MCM6: variants seen among roughly 807,000 people sequenced by gnomAD.
MCM6 encodes the protein DNA replication licensing factor MCM6.
In MCM6, 46 loss-of-function variants were observed where a neutral mutation model predicts 94.3. That is an observed-to-expected ratio of 0.49 (90% CI 0.39 to 0.62). The LOEUF is 0.62. Among genes scored for constraint, MCM6 ranks in the 20% least tolerant of loss-of-function variants. The pLI is 0.00. For synonymous variants in MCM6, 335 were observed against 351.9 expected, an observed-to-expected ratio of 0.95 and a Z score of 0.54; for missense variants, 865 against 1,017.9, an observed-to-expected ratio of 0.85 and a Z score of 2.04.
chr2:135,856,079 T>C lies in MCM6; in HGVS notation c.1626+649A>G, dbSNP rs185343671. ...GAAATTTCTTTGGCATCCCAGTTTTTTTCAAGGTGACTGAAAAATAAAATA... is the reference window on the plus strand; with the variant it reads ...GAAATTTCTTTGGCATCCCAGTTTTCTTCAAGGTGACTGAAAAATAAAATA... On this transcript the variant is annotated intron_variant, in intron 11 of 16. Transcript: ENST00000264156. Among the ~76,000 whole-genome samples the C allele has an allele frequency of 2.0e-5, 3 of 152,102 alleles. No homozygotes were observed. In the East Asian group the frequency reaches 5.8e-4, roughly 29 times the overall value.
In MCM6 at chr2:135,859,316, CA is replaced by C; in HGVS notation, c.1346del (p.Leu449Ter). On this transcript the variant is annotated frameshift_variant, in exon 9 of 17. Coordinates refer to ENST00000264156, the MANE Select transcript of MCM6 (RefSeq NM_005915.6). LOFTEE classifies it high-confidence loss of function. ...SHEFVIEAGA[L>X]MLADNGVCCI... is the part of the protein sequence containing the mutation. Reference sequence around the variant, plus strand: ...ATGTTCTTACATTATCAGCCAACATCAAAGCTCCAGCCTCAATGACAAACTC... The same window carrying C: ...ATGTTCTTACATTATCAGCCAACATCAAGCTCCAGCCTCAATGACAAACTC... The C allele has an allele frequency of 6.2e-7, 1 of 1,613,430 alleles. No individual in the cohort carries two copies.
chr2:135,841,318 T>C (rs1332229622), intron 16 of MCM6, among the ~76,000 whole-genome samples: 1 of 39,856 alleles, frequency 2.5e-5, no homozygotes, highest in African/African-American at 8.0e-5. Context: ...CTTAATATCA[T>C]TCAGCAATTT....
chr2:135,848,116 C>T lies in MCM6; in HGVS notation c.1990G>A (p.Val664Ile), dbSNP rs1679704847. ...KSIIRVETPD[V>I]NLDQEEEIQM... ...ATCTCTTCCTCTTGATCTAGATTGACATCAGGTGTTTCCACACGGATGATT... is the reference window on the plus strand; with the variant it reads ...ATCTCTTCCTCTTGATCTAGATTGATATCAGGTGTTTCCACACGGATGATT... Residue 664 changes from valine (V) to isoleucine (I), a missense_variant, in exon 14 of 17, where the codon GTC (valine) becomes ATC (isoleucine). Transcript: ENST00000264156. 1 of 1,610,824 alleles carries T rather than the reference C, an allele frequency of 6.2e-7. No homozygotes were observed. The highest frequency in any genetic ancestry group is 8.5e-7 in the Non-Finnish European group (1 of 1,177,052).
chr2:135,860,207 A>T (rs1036889381), intron 8 of MCM6, among the ~76,000 whole-genome samples: 6 of 151,914 alleles, frequency 3.9e-5, no homozygotes, highest in Middle Eastern at 3.4e-3. Context: ...ATCTTGGCTC[A>T]CTCCAAGCTC....
At chr2:135,862,457 G>A (rs1290928187) in intron 8 of MCM6, 150 bp downstream of exon 8, 4 of 830,392 alleles carry the variant, frequency 4.8e-6, no homozygotes, top group Non-Finnish European at 5.3e-6. Context: ...GTACAATGTT[G>A]CCATAACTTT....
intron 16 of MCM6, 74 bp from the exon 17 acceptor site, chr2:135,841,025 C>T (rs1465282001): frequency 2.8e-6 from 3 of 1,054,864 alleles, no homozygotes; most frequent in African/African-American, 3.1e-5. Context: ...AGACTTGACC[C>T]TTCTTCCGAG....
At chr2:135,869,338 G>C (rs1301130778) in intron 3 of MCM6, among the ~76,000 whole-genome samples, 3 of 151,042 alleles carry the variant, frequency 2.0e-5, no homozygotes, top group African/African-American at 4.9e-5. Flanking sequence ...GAGGTGGAGG[G>C]TGCAGTGAGC....
intron 1 of MCM6, among the ~76,000 whole-genome samples, chr2:135,875,770 A>G (rs1471298720): frequency 2.0e-5 from 3 of 152,234 alleles, no homozygotes; most frequent in African/African-American, 7.2e-5. Flanking sequence ...CAGTTGACGC[A>G]GAAACTTTCA....
At position 135,856,281 on chromosome 2, in the gene MCM6, A is replaced by T. The variant is rs561026955; in HGVS notation, c.1626+447T>A. Among the ~76,000 whole-genome samples, 9 of 152,246 alleles carry T rather than the reference A, an allele frequency of 5.9e-5. No individual in the cohort carries two copies. In the East Asian group the frequency reaches 1.7e-3, roughly 29 times the overall value. ...AACATGGTGAGACCCTGTCTGTACT[A>T]AAAATATAAAAATTAGCCACGCATG... On this transcript the variant is annotated intron_variant, in intron 11 of 16. Transcript: ENST00000264156.
rs187392783 is a variant in MCM6, at chr2:135,847,620, G to A, written c.2053+433C>T. The stretch of plus-strand genomic sequence containing the variant: ...GCTCTGTCACCCAGGCTGGAGTGCA[G>A]TGGCACAATCTCAGCTCACTGCAAC... On this transcript the variant is annotated intron_variant, in intron 14 of 16. Coordinates refer to ENST00000264156, the MANE Select transcript of MCM6 (RefSeq NM_005915.6). Among the ~76,000 whole-genome samples, 613 of 152,294 alleles carry A rather than the reference G, an allele frequency of 4.0e-3. 1 individual carries two copies. The highest frequency in any genetic ancestry group is 7.4e-3 in the Non-Finnish European group (503 of 68,026).
chr2:135,853,714 T>C (rs917898307), intron 11 of MCM6, among the ~76,000 whole-genome samples: 1 of 136,008 alleles, frequency 7.4e-6, no homozygotes, highest in Admixed American at 8.1e-5. Context: ...ATTTTGAAGA[T>C]ATTCATCCCA....
chr2:135,853,929 A>T (rs1457612479), intron 11 of MCM6, among the ~76,000 whole-genome samples: 1 of 152,200 alleles, frequency 6.6e-6, no homozygotes, highest in African/African-American at 2.4e-5. Context: ...ATTATTTCTA[A>T]TTAAGAAGTT....
chr2:135,862,516 TA>T, intron 8 of MCM6, 90 bp downstream of exon 8: 1 of 1,327,774 alleles, frequency 7.5e-7, no homozygotes, highest in Non-Finnish European at 1.1e-6. Context: ...ACACTCCTAG[TA>T]AGGCCATACT....
rs940754457 is a variant in MCM6 at position 135,858,211 on chromosome 2, G to A, written c.1363-207C>T. 1.2e-4 allele frequency among the ~76,000 whole-genome samples: 18 copies of A among 151,892 alleles called. No individual in the cohort carries two copies. The South Asian group carries it at 2.5e-3, about 21-fold the overall frequency. ...TGTCTCTTAAAAAACAACAACGGCC[G>A]AGTGTGGGGGCTCACACCTGTAATC... On this transcript the variant is annotated intron_variant, in intron 9 of 16. Coordinates refer to ENST00000264156, the MANE Select transcript of MCM6 (RefSeq NM_005915.6).
At chr2:135,854,438 G>T (rs1262527458) in intron 11 of MCM6, among the ~76,000 whole-genome samples, 2 of 140,326 alleles carry the variant, frequency 1.4e-5, no homozygotes, top group Admixed American at 7.8e-5. Context: ...GCTGAGGCAG[G>T]AGAATTACTT....
chr2:135,865,097 T>C lies in MCM6; in HGVS notation c.994A>G (p.Lys332Glu). ...AESIKNQMTV[K>E]EWEKVFEMSQ... is the part of the protein sequence containing the mutation. The stretch of plus-strand genomic sequence containing the variant: ...ATCTCAAACACTTTCTCCCATTCTT[T>C]CACAGTCATTTGGTTCTTAATGCTC... The change falls in exon 7 of 17, where the codon AAA becomes GAA. Residue 332 changes from lysine to glutamate, a missense_variant. Lys to Glu is a moderately conservative substitution (Grantham distance 56). Around this residue, in one of 3 missense-constraint regions of MCM6, gnomAD observed 404 missense variants for 451.9 expected, o/e 0.89. Transcript: ENST00000264156. 1 of 1,583,212 alleles carries C rather than the reference T, an allele frequency of 6.3e-7. No individual in the cohort carries two copies. The highest frequency in any genetic ancestry group is 1.2e-5 in the South Asian group (1 of 84,622).
intron 8 of MCM6, among the ~76,000 whole-genome samples, chr2:135,862,379 T>C (rs1022171624): frequency 2.0e-5 from 3 of 151,062 alleles, no homozygotes; most frequent in African/African-American, 7.3e-5. Context: ...ACAAAGATAT[T>C]ATACAAAGAC....
intron 1 of MCM6, among the ~76,000 whole-genome samples, chr2:135,874,872 T>C (rs1313985601): frequency 6.6e-6 from 1 of 152,226 alleles, no homozygotes; most frequent in African/African-American, 2.4e-5. Context: ...TGACACATGC[T>C]ACCTCGCAGA....
Position 135,868,831 on chromosome 2 carries a change from C to G in MCM6, c.395G>C (p.Gly132Ala). 1 of 1,614,092 alleles carries G rather than the reference C, an allele frequency of 6.2e-7. No homozygotes were observed. ...CTGCCCACTGATGCGAGTGAGCAAACCAATTCTGGATGAGGTGAGCTCTCG... is the reference window on the plus strand; with the variant it reads ...CTGCCCACTGATGCGAGTGAGCAAAGCAATTCTGGATGAGGTGAGCTCTCG... ...KIRELTSSRI[G>A]LLTRISGQVV... is the part of the protein sequence containing the mutation. The change falls in exon 4 of 17, where the codon GGT (glycine) becomes GCT (alanine). Residue 132 changes from glycine to alanine, a missense_variant. Coordinates refer to ENST00000264156, the MANE Select transcript of MCM6 (RefSeq NM_005915.6).
Sources: allele counts gnomAD v4.1 joint callset (sites outside exome capture counted in the v4.1 genomes callset), GRCh38; gene constraint gnomAD v4.1.1; regional missense constraint gnomAD v4.1.1; transcripts MANE v1.5; gene names NCBI Gene and HGNC (gene_info 2026-07-23, HGNC 2026-07-21).